The following NEIL1 variants were observed in gnomAD, a reference collection of about 807,000 sequenced individuals.
The protein encoded by NEIL1 is nei like DNA glycosylase 1, also known as endonuclease 8-like 1.
In NEIL1, 31 loss-of-function variants were observed where a neutral mutation model predicts 44.2. The observed-to-expected ratio is 0.70, with a 90% CI of 0.53 to 0.95. The LOEUF (loss-of-function observed/expected upper bound fraction) is 0.95, where lower values mean the gene tolerates loss of function less well. Among genes scored for constraint, NEIL1 ranks in the 40% least tolerant of loss-of-function variants. The pLI, the probability that NEIL1 is intolerant of heterozygous loss-of-function variation, is 0.00. For synonymous variants in NEIL1, 254 were observed against 209.7 expected, an observed-to-expected ratio of 1.21 and a Z score of -1.83; for missense variants, 549 against 515.5, an observed-to-expected ratio of 1.07 and a Z score of -0.63.
At chr15:75,352,821 A>G (rs1426702648) in intron 5 of NEIL1, 120 bp downstream of exon 5, 12 of 777,124 alleles carry the variant, frequency 1.5e-5, no homozygotes, top group Non-Finnish European at 2.4e-5. Flanking sequence ...CTGATACTCA[A>G]TGGACTAGGC....
At chr15:75,351,469 G>T in intron 2 of NEIL1, 1 of 347,880 alleles carries the variant, frequency 2.9e-6, no homozygotes. Context: ...GTAGAGATGG[G>T]GTCTTCCTTG....
At position 75,356,346 on chromosome 15, in the gene NEIL1, C is replaced by T. The variant is rs770148982; in HGVS notation, c.*1312C>T. 22 of 1,612,256 alleles carry T rather than the reference C, an allele frequency of 1.4e-5. 1 individual carries two copies. Among genetic ancestry groups the T allele is most frequent in the East Asian group, 8.9e-5 (4 of 44,842 alleles). The stretch of plus-strand genomic sequence containing the variant: ...CGACCGCGGGTGAAGACACGGAAAA[C>T]GCACTCCAGGAGGTGGCGGGCGCTG... On this transcript the variant is annotated 3_prime_UTR_variant, in exon 10 of 10. Coordinates refer to ENST00000355059, the MANE Select transcript of NEIL1 (RefSeq NM_024608.4). This position sits in a 1 kb window ranked among gnomAD's most constrained non-coding sequence, Gnocchi z 5.8.
chr15:75,352,895 T>G, intron 5 of NEIL1, 194 bp downstream of exon 5: 1 of 552,244 alleles, frequency 1.8e-6, no homozygotes, highest in East Asian at 3.2e-5. Context: ...ATCCCAGCAC[T>G]TCGGGAGGCC....
chr15:75,354,269 CA>C lies in NEIL1; in HGVS notation c.867del (p.Arg293AlafsTer13). ...IWFQGDPGPL[A>X]PKGRKSRKKK... ...TTTTAGGGGGATCCTGGACCGTTGG[CA>C]CCCAAAGGTAAGCTACTCCTAATGT... On this transcript the variant is annotated frameshift_variant, in exon 7 of 10. Coordinates refer to ENST00000355059, the MANE Select transcript of NEIL1 (RefSeq NM_024608.4). LOFTEE classifies it high-confidence loss of function. 1 of 1,614,148 alleles carries C rather than the reference CA, an allele frequency of 6.2e-7. No homozygotes were observed. The highest frequency in any genetic ancestry group is 8.5e-7 in the Non-Finnish European group (1 of 1,179,990).
chr15:75,354,500 T>C lies in NEIL1; in HGVS notation c.936+8T>C, dbSNP rs888874857. ...CCTGAGGACAGAGTGGAGGTATGGC[T>C]GCCTGCTCCCGCCTCCTCCCCTGCA... On this transcript the variant is annotated splice_region_variant and intron_variant, in intron 8 of 9. Coordinates refer to ENST00000355059, the MANE Select transcript of NEIL1 (RefSeq NM_024608.4). 1 of 1,613,994 alleles carries C rather than the reference T, an allele frequency of 6.2e-7. No individual in the cohort carries two copies. The highest frequency in any genetic ancestry group is 1.3e-5 in the African/African-American group (1 of 74,920).
Position 75,354,989 on chromosome 15 carries a change from G to T in NEIL1, c.1128G>T (p.Lys376Asn). The stretch of plus-strand genomic sequence containing the variant: ...GCCACTGCAGACCCCGGAAGGTCAA[G>T]GCTGACATCCCATCCTTGGAACCAG... ...ASGHCRPRKV[K>N]ADIPSLEPEG... The change falls in exon 10 of 10, where the codon AAG becomes AAT. Residue 376 changes from lysine to asparagine, a missense_variant. Physicochemically the swap from Lys to Asn is moderately conservative, Grantham distance 94. Transcript: ENST00000355059. The T allele has an allele frequency of 6.2e-7, 1 of 1,614,094 alleles. No individual in the cohort carries two copies. The highest frequency in any genetic ancestry group is 8.5e-7 in the Non-Finnish European group (1 of 1,179,986).
chr15:75,353,971 TCCAAG>T, intron 6 of NEIL1, 105 bp downstream of exon 6: 1 of 1,449,810 alleles, frequency 6.9e-7, no homozygotes, highest in Non-Finnish European at 9.5e-7. Flanking sequence ...GTCTAGACCC[TCCAAG>T]GACCACACTG....
At chr15:75,350,097 C>A (rs762677348) in intron 2 of NEIL1, among the ~76,000 whole-genome samples, 1 of 152,250 alleles carries the variant, frequency 6.6e-6, no homozygotes, top group South Asian at 2.1e-4. Flanking sequence ...TCCGGCCTGC[C>A]CAGTATTCTG....
chr15:75,350,589 T>G (rs2141311783), intron 2 of NEIL1, among the ~76,000 whole-genome samples: 1 of 152,260 alleles, frequency 6.6e-6, no homozygotes, highest in South Asian at 2.1e-4. Context: ...CCGTTGACCC[T>G]TAGGAGACTT....
In NEIL1 at chr15:75,353,740, G is replaced by C. The variant is rs2072114576; in HGVS notation, c.720G>C (p.Gly240=). Residue 240 remains glycine (G), a splice_region_variant and synonymous_variant, in exon 6 of 10, where the codon GGG becomes GGC. Coordinates refer to ENST00000355059, the MANE Select transcript of NEIL1 (RefSeq NM_024608.4). ...TCTGCCTGTTCCTCTGTCCCACAGG[G>C]GGCAAAGGCTACGGGTCAGAGAGCG... ...HSVPKEVVQL[G]GKGYGSESGE... 6.2e-7 allele frequency: 1 copy of C among 1,613,958 alleles called. No individual in the cohort carries two copies. Among genetic ancestry groups the C allele is most frequent in the African/African-American group, 1.3e-5 (1 of 74,938 alleles).
chr15:75,349,116 G>C lies in NEIL1; in HGVS notation c.211G>C (p.Glu71Gln), dbSNP rs1450639391. The C allele has an allele frequency of 4.3e-6, 7 of 1,611,786 alleles. No homozygotes were observed. The highest frequency in any genetic ancestry group is 5.9e-6 in the Non-Finnish European group (7 of 1,179,944). ...SPLPGAQPQQ[E>Q]PLALVFRFGM... ...TCTGCCTGGGGCCCAGCCCCAACAG[G>C]AGCCACTGGCCCTGGTCTTCCGCTT... Residue 71 changes from glutamate (E) to glutamine (Q), a missense_variant, in exon 2 of 10, where the codon GAG becomes CAG. Physicochemically the swap from Glu to Gln is conservative, Grantham distance 29 (BLOSUM62 2). Transcript: ENST00000355059.
intron 2 of NEIL1, 193 bp downstream of exon 2, chr15:75,349,532 G>C (rs2071718190): frequency 1.6e-6 from 1 of 609,716 alleles, no homozygotes; most frequent in South Asian, 2.2e-5. Flanking sequence ...AACTAATTGG[G>C]GGCCGGGTGT....
At position 75,356,538 on chromosome 15, in the gene NEIL1, T is replaced by C; in HGVS notation, c.*1504T>C. The C allele has an allele frequency of 6.4e-7, 1 of 1,550,488 alleles. No individual in the cohort carries two copies. The highest frequency in any genetic ancestry group is 8.7e-7 in the Non-Finnish European group (1 of 1,145,766). On this transcript the variant is annotated 3_prime_UTR_variant, in exon 10 of 10. Coordinates refer to ENST00000355059, the MANE Select transcript of NEIL1 (RefSeq NM_024608.4). This position sits in a 1 kb window ranked among gnomAD's most constrained non-coding sequence, Gnocchi z 5.8. The stretch of plus-strand genomic sequence containing the variant: ...GGGGCAGGAAGCCAGGTTGCTGGGG[T>C]TTGGGCTCAGGGAAGGGCAGAGAGG...
At position 75,352,391 on chromosome 15, in the gene NEIL1, AG is replaced by A; in HGVS notation, c.618+5del. On this transcript the variant is annotated splice_donor_5th_base_variant and intron_variant, in intron 4 of 9. Coordinates refer to ENST00000355059, the MANE Select transcript of NEIL1 (RefSeq NM_024608.4). ...GGCCCTGCAGCAGCACAGGCCGGTA[AG>A]CCCAGAGAGGGATGGAGCACACGTG... The A allele has an allele frequency of 6.2e-7, 1 of 1,613,476 alleles. No homozygotes were observed. The highest frequency in any genetic ancestry group is 8.5e-7 in the Non-Finnish European group (1 of 1,180,014).
rs2141319154 is a variant in NEIL1 at position 75,354,714 on chromosome 15, A to G, written c.998A>G (p.Lys333Arg). Reference protein sequence around the residue: ...RTRRAKRDLPKRTATQRPEGT... With the variant: ...RTRRAKRDLPRRTATQRPEGT... ...CGAAGGGCAAAGAGAGACCTTCCTA[A>G]GAGGACTGCAACCCAGCGGCCTGAG... The change falls in exon 9 of 10, where the codon AAG (lysine) becomes AGG (arginine). Residue 333 changes from lysine to arginine, a missense_variant. Lys to Arg is a conservative substitution (Grantham distance 26, BLOSUM62 2). Coordinates refer to ENST00000355059, the MANE Select transcript of NEIL1 (RefSeq NM_024608.4). The G allele has an allele frequency of 6.2e-7, 1 of 1,614,142 alleles. No individual in the cohort carries two copies. Among genetic ancestry groups the G allele is most frequent in the Non-Finnish European group, 8.5e-7 (1 of 1,180,026 alleles).
chr15:75,354,641 T>G lies in NEIL1; in HGVS notation c.937-12T>G. 6.2e-7 allele frequency: 1 copy of G among 1,613,874 alleles called. No homozygotes were observed. Among genetic ancestry groups the G allele is most frequent in the South Asian group, 1.1e-5 (1 of 91,074 alleles). On this transcript the variant is annotated splice_polypyrimidine_tract_variant and intron_variant, in intron 8 of 9. Transcript: ENST00000355059. Reference sequence around the variant, plus strand: ...TCTGAGCCCCTCAGGGACCCGTGTCTCCTCCATCCAGGACGCTTTGCCTCC... The same window carrying G: ...TCTGAGCCCCTCAGGGACCCGTGTCGCCTCCATCCAGGACGCTTTGCCTCC...
rs78992660 is a variant in NEIL1, at chr15:75,356,328, G to A, written c.*1294G>A. ...GCTTGACGGTCTCCAATACGACCGC[G>A]GGTGAAGACACGGAAAACGCACTCC... On this transcript the variant is annotated 3_prime_UTR_variant, in exon 10 of 10. Transcript: ENST00000355059. The surrounding 1 kb of genome is among the most constrained non-coding windows in gnomAD (Gnocchi z 5.8). The A allele has an allele frequency of 2.3e-5, 37 of 1,611,982 alleles. No homozygotes were observed. The highest frequency in any genetic ancestry group is 1.6e-4 in the Middle Eastern group (1 of 6,064).
Position 75,356,134 on chromosome 15 carries a change from G to A in NEIL1, c.*1100G>A, listed in dbSNP as rs763060309. The stretch of plus-strand genomic sequence containing the variant: ...CAGGATGGCCTCCTGAACCGGCAGC[G>A]ACAAGTGCAGCCAGCAGTCCACGTG... On this transcript the variant is annotated 3_prime_UTR_variant, in exon 10 of 10. Coordinates refer to ENST00000355059, the MANE Select transcript of NEIL1 (RefSeq NM_024608.4). The surrounding 1 kb of genome is among the most constrained non-coding windows in gnomAD (Gnocchi z 5.8). 3 of 1,613,676 alleles carry A rather than the reference G, an allele frequency of 1.9e-6. No individual in the cohort carries two copies. The highest frequency in any genetic ancestry group is 1.7e-4 in the Middle Eastern group (1 of 6,060).
Position 75,354,938 on chromosome 15 carries a change from G to A in NEIL1, c.1103-26G>A. The A allele has an allele frequency of 2.5e-6, 4 of 1,613,680 alleles. No homozygotes were observed. In the South Asian group the frequency reaches 3.3e-5, roughly 13 times the overall value. ...CATGGCAGCCCCTGGAGTCTTAGCT[G>A]ACCATCTTGCCTGTTCTTCCCCCAG... On this transcript the variant is annotated intron_variant, in intron 9 of 9. Transcript: ENST00000355059.
Sources: allele counts gnomAD v4.1 joint callset (sites outside exome capture counted in the v4.1 genomes callset), GRCh38; gene constraint gnomAD v4.1.1; non-coding constraint Gnocchi (gnomAD v3.1); transcripts MANE v1.5; gene names NCBI Gene and HGNC (gene_info 2026-07-23, HGNC 2026-07-21).